ADAMTSL1: variants seen among roughly 807,000 people sequenced by gnomAD.
The protein encoded by ADAMTSL1 is ADAMTS like 1, also known as ADAMTS-like protein 1.
A neutral mutation model predicts 201.8 loss-of-function variants in ADAMTSL1; 126 were observed. The ratio of observed to expected loss-of-function variants is 0.62; its 90% CI spans 0.54 to 0.72. The LOEUF (loss-of-function observed/expected upper bound fraction) is 0.72, where lower values mean the gene tolerates loss of function less well. Ranked by LOEUF, ADAMTSL1 falls within the 30% of genes least tolerant of loss-of-function variation. The pLI is 0.00. For missense variants in ADAMTSL1, 2,679 were observed against 2,277.8 expected, an observed-to-expected ratio of 1.18 and a Z score of -3.59; for synonymous variants, 1,121 against 903.4, an observed-to-expected ratio of 1.24 and a Z score of -4.32.
chr9:18,222,642 CTCT>C (rs1444260387), intron 2 of ADAMTSL1, among the ~76,000 whole-genome samples: 2 of 133,986 alleles, frequency 1.5e-5, no homozygotes, highest in African/African-American at 5.9e-5. Flanking sequence ...TACTCATATA[CTCT>C]TTTTTTTTTT....
chr9:17,920,129 T>C (rs2131290476), intron 1 of ADAMTSL1, among the ~76,000 whole-genome samples: 1 of 152,308 alleles, frequency 6.6e-6, no homozygotes, highest in East Asian at 1.9e-4. Flanking sequence ...ACAACTGCCT[T>C]GATTGAAAGA....
At chr9:18,266,384 C>T (rs1563845101) in intron 2 of ADAMTSL1, among the ~76,000 whole-genome samples, 1 of 152,190 alleles carries the variant, frequency 6.6e-6, no homozygotes, top group South Asian at 2.1e-4. Context: ...AATCCTGAGT[C>T]AGTCGGCCAA....
chr9:18,828,379 A>G (rs1373411669), intron 22 of ADAMTSL1, among the ~76,000 whole-genome samples: 1 of 152,066 alleles, frequency 6.6e-6, no homozygotes, highest in Non-Finnish European at 1.5e-5. Flanking sequence ...CTCTTAGTAA[A>G]TAAGCACAGC....
intron 1 of ADAMTSL1, among the ~76,000 whole-genome samples, chr9:17,956,674 T>A (rs2131386897): frequency 6.6e-6 from 1 of 152,296 alleles, no homozygotes. Context: ...TTCTGCCACA[T>A]TTTATTGATC....
chr9:18,008,767 C>A (rs1027319858), intron 1 of ADAMTSL1, among the ~76,000 whole-genome samples: 4 of 151,956 alleles, frequency 2.6e-5, no homozygotes, highest in African/African-American at 9.7e-5. Context: ...CACATGACCT[C>A]ATCTACCTAC....
intron 8 of ADAMTSL1, among the ~76,000 whole-genome samples, chr9:18,659,412 C>A (rs1219365716): frequency 1.3e-5 from 2 of 152,344 alleles, no homozygotes; most frequent in African/African-American, 4.8e-5. Flanking sequence ...ATCAATTCAA[C>A]ACTTTAAGCA....
intron 2 of ADAMTSL1, among the ~76,000 whole-genome samples, chr9:18,405,389 G>A (rs935269418): frequency 6.6e-6 from 1 of 152,196 alleles, no homozygotes; most frequent in Non-Finnish European, 1.5e-5. Context: ...GAAGACAATA[G>A]TGATGACACA....
intron 2 of ADAMTSL1, among the ~76,000 whole-genome samples, chr9:18,344,423 CTG>C (rs1835607192): frequency 6.6e-6 from 1 of 151,936 alleles, no homozygotes; most frequent in Non-Finnish European, 1.5e-5. Flanking sequence ...TTCCAAAGCA[CTG>C]TTTTTTGTTT....
intron 3 of ADAMTSL1, among the ~76,000 whole-genome samples, chr9:18,550,326 A>G (rs544749675): frequency 1.3e-5 from 2 of 151,802 alleles, no homozygotes; most frequent in African/African-American, 4.8e-5. Flanking sequence ...GCCTCATCTA[A>G]TCACACAGAC....
intron 2 of ADAMTSL1, among the ~76,000 whole-genome samples, chr9:18,387,177 G>A (rs934356147): frequency 6.6e-6 from 1 of 151,838 alleles, no homozygotes; most frequent in Admixed American, 6.6e-5. Flanking sequence ...AAACCTGTGA[G>A]GATAGGTACC....
chr9:18,627,016 C>T (rs1358657323), intron 5 of ADAMTSL1, among the ~76,000 whole-genome samples: 3 of 150,512 alleles, frequency 2.0e-5, no homozygotes, highest in Non-Finnish European at 2.9e-5. Flanking sequence ...CACTCTGTCA[C>T]TGAGGCTTCA....
At chr9:18,197,649 T>C (rs1288104075) in intron 2 of ADAMTSL1, among the ~76,000 whole-genome samples, 4 of 149,600 alleles carry the variant, frequency 2.7e-5, no homozygotes, top group Admixed American at 6.7e-5. Context: ...ACTTCCTCTT[T>C]TCCTAATTGA....
At chr9:18,538,536 A>G (rs1485848417) in intron 3 of ADAMTSL1, among the ~76,000 whole-genome samples, 1 of 152,124 alleles carries the variant, frequency 6.6e-6, no homozygotes, top group Non-Finnish European at 1.5e-5. Context: ...ATTAATGAAG[A>G]TGTCTATGCT....
intron 3 of ADAMTSL1, among the ~76,000 whole-genome samples, chr9:18,571,695 G>A (rs1564058009): frequency 6.6e-6 from 1 of 152,164 alleles, no homozygotes; most frequent in Non-Finnish European, 1.5e-5. Flanking sequence ...GGAAGGCTAC[G>A]TGTAGAGTTT....
intron 1 of ADAMTSL1, among the ~76,000 whole-genome samples, chr9:17,933,309 C>G (rs1159196224): frequency 1.3e-5 from 2 of 152,078 alleles, no homozygotes; most frequent in South Asian, 4.1e-4. Flanking sequence ...TGGGTCAAAT[C>G]GGTCTCTGCA....
intron 1 of ADAMTSL1, among the ~76,000 whole-genome samples, chr9:17,980,702 C>T (rs1291058227): frequency 2.6e-5 from 4 of 152,134 alleles, no homozygotes; most frequent in Non-Finnish European, 4.4e-5. Flanking sequence ...AAGAGAGGAT[C>T]ACTGTCTTGG....
At chr9:18,876,080 C>A (rs2131483965) in intron 23 of ADAMTSL1, among the ~76,000 whole-genome samples, 1 of 152,134 alleles carries the variant, frequency 6.6e-6, no homozygotes, top group Non-Finnish European at 1.5e-5. Flanking sequence ...TTGGGGTGTT[C>A]ATTTGCATGG....
chr9:17,974,600 G>A (rs889187409), intron 1 of ADAMTSL1, among the ~76,000 whole-genome samples: 9 of 151,860 alleles, frequency 5.9e-5, no homozygotes, highest in East Asian at 3.9e-4. Flanking sequence ...CTCCATATAT[G>A]TGAGATCATA....
At chr9:18,400,371 T>G (rs1159578562) in intron 2 of ADAMTSL1, among the ~76,000 whole-genome samples, 2 of 152,178 alleles carry the variant, frequency 1.3e-5, no homozygotes, top group Non-Finnish European at 2.9e-5. Flanking sequence ...TGTTGATAGT[T>G]TTAAAAGTTT....
Sources: allele counts gnomAD v4.1 joint callset (sites outside exome capture counted in the v4.1 genomes callset), GRCh38; gene constraint gnomAD v4.1.1; transcripts MANE v1.5; gene names NCBI Gene and HGNC (gene_info 2026-07-23, HGNC 2026-07-21).